GRM8: variants seen among roughly 807,000 people sequenced by gnomAD.
GRM8 encodes metabotropic glutamate receptor 8.
GRM8 carries 47 observed loss-of-function variants against 87.2 expected under a neutral mutation model. The ratio of observed to expected loss-of-function variants is 0.54; its 90% CI spans 0.43 to 0.69. The LOEUF (loss-of-function observed/expected upper bound fraction) is 0.69. Among genes scored for constraint, GRM8 ranks in the 30% least tolerant of loss-of-function variants. The pLI is 0.00. For missense variants in GRM8, 1,019 were observed against 1,139.2 expected, an observed-to-expected ratio of 0.89 and a Z score of 1.52; for synonymous variants, 396 against 404.5, an observed-to-expected ratio of 0.98 and a Z score of 0.25.
chr7:126,941,346 G>A lies in GRM8; in HGVS notation c.728-36663C>T, dbSNP rs17866381. Among the ~76,000 whole-genome samples the A allele has an allele frequency of 9.6e-3, 1,464 of 151,816 alleles. 28 individuals are homozygous for A. The highest frequency in any genetic ancestry group is 0.034 in the African/African-American group (1,389 of 41,380). On this transcript the variant is annotated intron_variant, in intron 3 of 10. Coordinates refer to ENST00000339582, the MANE Select transcript of GRM8 (RefSeq NM_000845.3). ...TTTCAGGCCTTGCGCGGTGACTCAC[G>A]GCTGTAATCCCAGTACTTTGGGAGG...
chr7:126,793,580 T>TAG (rs1286370154), intron 6 of GRM8, among the ~76,000 whole-genome samples: 1 of 152,200 alleles, frequency 6.6e-6, no homozygotes, highest in Non-Finnish European at 1.5e-5. Context: ...GAGGATTTAC[T>TAG]AGACTCAAAG....
At chr7:126,738,263 A>C (rs926252887) in intron 7 of GRM8, among the ~76,000 whole-genome samples, 1 of 152,062 alleles carries the variant, frequency 6.6e-6, no homozygotes, top group Non-Finnish European at 1.5e-5. Flanking sequence ...TGTAAGCAAG[A>C]GGAAAGTATG....
intron 6 of GRM8, among the ~76,000 whole-genome samples, chr7:126,860,543 TC>T (rs1465720617): frequency 6.6e-6 from 1 of 152,182 alleles, no homozygotes; most frequent in Non-Finnish European, 1.5e-5. Context: ...TATTATCCAT[TC>T]TAAAGAAACA....
intron 1 of GRM8, among the ~76,000 whole-genome samples, chr7:127,244,394 C>T (rs192694128): frequency 6.4e-4 from 97 of 152,290 alleles, no homozygotes; most frequent in Middle Eastern, 3.4e-3. Context: ...AAAGGCTACA[C>T]GCAAATCTAC....
At chr7:126,601,394 G>A (rs1478399188) in intron 8 of GRM8, among the ~76,000 whole-genome samples, 6 of 152,038 alleles carry the variant, frequency 3.9e-5, no homozygotes, top group East Asian at 1.9e-4. Context: ...ATAAACATAC[G>A]TGTGCATGTG....
At chr7:126,977,641 G>A (rs934427571) in intron 3 of GRM8, among the ~76,000 whole-genome samples, 5 of 152,196 alleles carry the variant, frequency 3.3e-5, no homozygotes, top group Admixed American at 3.3e-4. Flanking sequence ...TGAGTGCCCA[G>A]ACTGTGAGGC....
chr7:126,770,138 T>G, intron 6 of GRM8, 73 bp from the exon 7 acceptor site: 1 of 992,444 alleles, frequency 1.0e-6, no homozygotes, highest in Non-Finnish European at 1.5e-6. Flanking sequence ...AGCTAAGATT[T>G]CCATCATTTG....
At chr7:126,654,838 T>A (rs1409542447) in intron 7 of GRM8, among the ~76,000 whole-genome samples, 1 of 152,198 alleles carries the variant, frequency 6.6e-6, no homozygotes, top group Non-Finnish European at 1.5e-5. Context: ...TTATAGGTAT[T>A]TAAGCCTTGG....
intron 6 of GRM8, among the ~76,000 whole-genome samples, chr7:126,833,706 C>T (rs1381088563): frequency 3.3e-5 from 5 of 152,152 alleles, no homozygotes; most frequent in Non-Finnish European, 7.4e-5. Context: ...AAGACCTTGC[C>T]TGCTAATCCT....
chr7:126,510,670 T>C (rs1434890356), intron 9 of GRM8, among the ~76,000 whole-genome samples: 1 of 7,444 alleles, frequency 1.3e-4, no homozygotes, highest in African/African-American at 8.8e-4. Context: ...ATACATTAGC[T>C]TGGAAGATAA....
Position 126,790,845 on chromosome 7 carries a change from G to A in GRM8, c.1157-20780C>T, listed in dbSNP as rs984414183. Among the ~76,000 whole-genome samples, 7 of 152,134 alleles carry A rather than the reference G, an allele frequency of 4.6e-5. No homozygotes were observed. In the East Asian group the frequency reaches 7.7e-4, roughly 17 times the overall value. ...GACAGTAATGCCTGGTGACTGGGTC[G>A]GTGAGAATCCAGGGCTCTGGGTAGG... On this transcript the variant is annotated intron_variant, in intron 6 of 10. Transcript: ENST00000339582.
chr7:127,130,752 T>G (rs1426384344), intron 2 of GRM8, among the ~76,000 whole-genome samples: 6 of 152,144 alleles, frequency 3.9e-5, no homozygotes, highest in Non-Finnish European at 7.4e-5. Context: ...GGGAGGGACC[T>G]GGTGGAAGGT....
chr7:126,831,151 G>T (rs2130414515), intron 6 of GRM8, among the ~76,000 whole-genome samples: 1 of 152,346 alleles, frequency 6.6e-6, no homozygotes, highest in East Asian at 1.9e-4. Context: ...TTGGGGGTCA[G>T]GGGTCAGGGA....
intron 6 of GRM8, among the ~76,000 whole-genome samples, chr7:126,797,779 G>C (rs1822128014): frequency 6.6e-6 from 1 of 151,970 alleles, no homozygotes; most frequent in African/African-American, 2.4e-5. Flanking sequence ...TCTGTACCTA[G>C]GACTAAGATT....
chr7:127,199,584 TC>T (rs1795480722), intron 2 of GRM8, among the ~76,000 whole-genome samples: 1 of 152,188 alleles, frequency 6.6e-6, no homozygotes, highest in African/African-American at 2.4e-5. Flanking sequence ...CCACCCCAGT[TC>T]CCTGCATTGT....
At chr7:126,917,195 C>T (rs564875158) in intron 3 of GRM8, among the ~76,000 whole-genome samples, 11 of 152,190 alleles carry the variant, frequency 7.2e-5, no homozygotes, top group South Asian at 2.1e-4. Context: ...CAGCTGGTCT[C>T]GAACTCCTGG....
chr7:127,203,969 A>G (rs906756450), intron 2 of GRM8, among the ~76,000 whole-genome samples: 3 of 152,224 alleles, frequency 2.0e-5, no homozygotes, highest in Non-Finnish European at 4.4e-5. Flanking sequence ...TGTCATGCAA[A>G]TAAGGACAGG....
At chr7:127,147,381 C>A (rs900637359) in intron 2 of GRM8, among the ~76,000 whole-genome samples, 1 of 152,032 alleles carries the variant, frequency 6.6e-6, no homozygotes, top group Admixed American at 6.6e-5. Flanking sequence ...CTCAAGTTTA[C>A]CTTAAAGGAC....
intron 7 of GRM8, among the ~76,000 whole-genome samples, chr7:126,669,604 G>A (rs1806166965): frequency 6.6e-6 from 1 of 152,196 alleles, no homozygotes; most frequent in East Asian, 1.9e-4. Context: ...TTCACAATTG[G>A]TAAGGCCTGG....
Sources: allele counts gnomAD v4.1 joint callset (sites outside exome capture counted in the v4.1 genomes callset), GRCh38; gene constraint gnomAD v4.1.1; transcripts MANE v1.5; gene names NCBI Gene and HGNC (gene_info 2026-07-23, HGNC 2026-07-21).